Variants in MVP observed in about 807,000 individuals in gnomAD.
MVP encodes lung resistance-related protein.
A neutral mutation model predicts 83.5 loss-of-function variants in MVP; 62 were observed. The ratio of observed to expected loss-of-function variants is 0.74; its 90% CI spans 0.61 to 0.92. MVP has a LOEUF of 0.92. Among genes scored for constraint, MVP ranks in the 40% least tolerant of loss-of-function variants. The pLI is 0.00. For synonymous variants in MVP, 505 were observed against 504.1 expected (o/e 1.00, Z -0.02); for missense variants, 1,000 against 1,203.4 (o/e 0.83, Z 2.50).
At position 29,836,880 on chromosome 16, in the gene MVP, C is replaced by G. The variant is rs1375785546; in HGVS notation, c.831C>G (p.Gly277=). The G allele has an allele frequency of 6.2e-6, 10 of 1,614,028 alleles. No individual in the cohort carries two copies. Among genetic ancestry groups the G allele is most frequent in the Non-Finnish European group, 8.5e-6 (10 of 1,179,994 alleles). ...GGGTTGTGCCCATCACCACCCTGGGCCCCCACAACTACTGCGTGATTCTCG... is the reference window on the plus strand; with the variant it reads ...GGGTTGTGCCCATCACCACCCTGGGGCCCCACAACTACTGCGTGATTCTCG... ...VLGVVPITTL[G]PHNYCVILDP... Residue 277 remains glycine (G), a synonymous_variant, in exon 7 of 15, where the codon GGC becomes GGG. Transcript: ENST00000357402.
Position 29,844,413 on chromosome 16 carries a change from A to C in MVP, c.1635-80A>C, listed in dbSNP as rs2067563251. 3 of 1,495,948 alleles carry C rather than the reference A, an allele frequency of 2.0e-6. No homozygotes were observed. The South Asian group carries it at 4.3e-5, about 21-fold the overall frequency. The allele number at this position is 1,495,948 out of a possible 1,614,324, so 92.7% of individuals were successfully genotyped here. On this transcript the variant is annotated intron_variant, in intron 10 of 14. Coordinates refer to ENST00000357402, the MANE Select transcript of MVP (RefSeq NM_005115.5). ...CAGGAGTTCAAGACCAGCCTGGGCAACATGGCAAGACCTTGTCTCTTCTAA... is the reference window on the plus strand; with the variant it reads ...CAGGAGTTCAAGACCAGCCTGGGCACCATGGCAAGACCTTGTCTCTTCTAA...
chr16:29,837,454 A>G (rs978245929), intron 7 of MVP, among the ~76,000 whole-genome samples: 1 of 152,206 alleles, frequency 6.6e-6, no homozygotes, highest in Non-Finnish European at 1.5e-5. Context: ...TAAAAATACA[A>G]TATAAAAGCT....
rs1236486641 is a variant in MVP at position 29,830,953 on chromosome 16, G to A, written c.201G>A (p.Arg67=). ...HYCTVANPVS[R]DAQGLVLFDV... is the part of the protein sequence containing the mutation. ...GCACAGTGGCCAACCCTGTGTCTCG[G>A]GATGCCCAGGGCTTGGTGCTGTTTG... Residue 67 remains arginine (R), a synonymous_variant, in exon 3 of 15, where the codon CGG becomes CGA. Transcript: ENST00000357402. The A allele has an allele frequency of 1.9e-6, 3 of 1,613,904 alleles. No homozygotes were observed. In the East Asian group the frequency reaches 6.7e-5, roughly 36 times the overall value.
At chr16:29,825,717 G>T (rs2067400371) in intron 1 of MVP, among the ~76,000 whole-genome samples, 1 of 152,236 alleles carries the variant, frequency 6.6e-6, no homozygotes, top group African/African-American at 2.4e-5. Flanking sequence ...CAGACCCCCT[G>T]ACTGGGCCCA....
Position 29,840,207 on chromosome 16 carries a change from A to C in MVP, c.939A>C (p.Gly313=). 1 of 1,612,366 alleles carries C rather than the reference A, an allele frequency of 6.2e-7. No individual in the cohort carries two copies. The highest frequency in any genetic ancestry group is 8.5e-7 in the Non-Finnish European group (1 of 1,178,802). ...AGAAGTCTTTTTTCCTCCAGCCAGGAGAGCAGCTGGAACAAGGCATCCAGG... is the reference window on the plus strand; with the variant it reads ...AGAAGTCTTTTTTCCTCCAGCCAGGCGAGCAGCTGGAACAAGGCATCCAGG... ...KGEKSFFLQP[G]EQLEQGIQDV... is the part of the protein sequence containing the mutation. Residue 313 remains glycine (G), a synonymous_variant, in exon 8 of 15, where the codon GGA becomes GGC. Coordinates refer to ENST00000357402, the MANE Select transcript of MVP (RefSeq NM_005115.5).
chr16:29,832,318 G>A (rs62056373), intron 3 of MVP, among the ~76,000 whole-genome samples: 2 of 98,466 alleles, frequency 2.0e-5, no homozygotes, highest in South Asian at 6.5e-4. Context: ...TTTTTTTTGA[G>A]ATGGAGTCTC....
chr16:29,839,868 C>G (rs962967932), intron 7 of MVP, among the ~76,000 whole-genome samples: 2 of 149,892 alleles, frequency 1.3e-5, no homozygotes, highest in African/African-American at 2.5e-5. Flanking sequence ...TACACCATCT[C>G]TAGAAAACAA....
At chr16:29,836,267 C>CAAA (rs989574046) in intron 6 of MVP, among the ~76,000 whole-genome samples, 4 of 55,096 alleles carry the variant, frequency 7.3e-5, no homozygotes, top group East Asian at 5.7e-4. Flanking sequence ...AACCCTGTCT[C>CAAA]AAAAAAAAAA....
chr16:29,826,181 C>CA (rs1242408004), intron 1 of MVP: 1 of 152,258 alleles, frequency 6.6e-6, no homozygotes, highest in Non-Finnish European at 1.5e-5. Context: ...CCTCTGCAGT[C>CA]AAACAGTGCA....
chr16:29,825,711 C>T (rs894961785), intron 1 of MVP, among the ~76,000 whole-genome samples: 33 of 152,214 alleles, frequency 2.2e-4, no homozygotes, highest in Admixed American at 8.5e-4. Flanking sequence ...GGCATTCAGA[C>T]CCCCTGACTG....
Position 29,836,728 on chromosome 16 carries a change from C to G in MVP, c.679C>G (p.Leu227Val), listed in dbSNP as rs1567391942. The change falls in exon 7 of 15, where the codon CTG becomes GTG. Residue 227 changes from leucine (L) to valine (V), a missense_variant. Leu to Val is a conservative substitution (Grantham distance 32). Coordinates refer to ENST00000357402, the MANE Select transcript of MVP (RefSeq NM_005115.5). ...CCAACATGTTGCTCTGCAGACAGCC[C>G]TGCACCTCCGGGCTCGGCGGAACTT... ...DAVILTEKTA[L>V]HLRARRNFRD... The G allele has an allele frequency of 1.3e-6, 2 of 1,585,942 alleles. No individual in the cohort carries two copies. Among genetic ancestry groups the G allele is most frequent in the South Asian group, 1.1e-5 (1 of 87,094 alleles).
rs1464448741 is a variant in MVP at position 29,844,665 on chromosome 16, G to C, written c.1807G>C (p.Val603Leu). ...CTCAGCCCGCATCATTCGCACTGCT[G>C]TCTTTGGCTTTGAGACCTCGGAAGC... ...KNSARIIRTAVFGFETSEAKG... is the reference protein window; with the variant it reads ...KNSARIIRTALFGFETSEAKG... Residue 603 changes from valine to leucine, a missense_variant, in exon 11 of 15, where the codon GTC (valine) becomes CTC (leucine). Physicochemically the swap from Val to Leu is conservative, Grantham distance 32 (BLOSUM62 1). Coordinates refer to ENST00000357402, the MANE Select transcript of MVP (RefSeq NM_005115.5). 1 of 1,614,190 alleles carries C rather than the reference G, an allele frequency of 6.2e-7. No homozygotes were observed. The highest frequency in any genetic ancestry group is 8.5e-7 in the Non-Finnish European group (1 of 1,180,004).
At chr16:29,845,334 C>G (rs1367960412) in intron 11 of MVP, among the ~76,000 whole-genome samples, 3 of 152,080 alleles carry the variant, frequency 2.0e-5, no homozygotes, top group African/African-American at 7.2e-5. Flanking sequence ...CTTCCATGCT[C>G]CTCGTCCCTG....
chr16:29,841,218 C>T lies in MVP; in HGVS notation c.1192-378C>T, dbSNP rs181923462. On this transcript the variant is annotated intron_variant, in intron 8 of 14. Coordinates refer to ENST00000357402, the MANE Select transcript of MVP (RefSeq NM_005115.5). This position sits in a 1 kb window ranked among gnomAD's most constrained non-coding sequence, Gnocchi z 4.7. ...TCCGAGGGAGCATCCGTGTACACAG[C>T]CTACTTCACCATCCCCGAGGTGCCC... Among the ~76,000 whole-genome samples the T allele has an allele frequency of 1.3e-5, 2 of 152,258 alleles. No individual in the cohort carries two copies. The highest frequency in any genetic ancestry group is 2.9e-5 in the Non-Finnish European group (2 of 68,008).
intron 10 of MVP, among the ~76,000 whole-genome samples, chr16:29,843,346 C>T (rs1045609295): frequency 1.5e-4 from 22 of 150,436 alleles, no homozygotes. Flanking sequence ...AATTTATAAA[C>T]TAGCTGGGCA....
intron 10 of MVP, 116 bp from the exon 11 acceptor site, chr16:29,844,377 T>A: frequency 1.5e-6 from 2 of 1,334,656 alleles, no homozygotes; most frequent in South Asian, 1.8e-5. Flanking sequence ...GGTTGGGGGG[T>A]TGCCTGAGCC....
At chr16:29,823,716 G>A (rs945072750) in intron 1 of MVP, among the ~76,000 whole-genome samples, 3 of 151,938 alleles carry the variant, frequency 2.0e-5, no homozygotes, top group African/African-American at 2.4e-5. Context: ...TTAGCTAGGC[G>A]TGGTGGTGGG....
rs199575713 is a variant in MVP, at chr16:29,841,824, C to T, written c.1420C>T (p.Arg474Ter). The change falls in exon 9 of 15, where the codon CGA (arginine) becomes TGA (stop). Residue 474 changes from arginine to a stop codon, truncating the protein, a stop_gained. Coordinates refer to ENST00000357402, the MANE Select transcript of MVP (RefSeq NM_005115.5). LOFTEE classifies it high-confidence loss of function. This position sits in a 1 kb window ranked among gnomAD's most constrained non-coding sequence, Gnocchi z 4.7. ...HNAAVQVYDY[R>*]EKRARVVFGP... is the part of the protein sequence containing the mutation. ...CGCTGCGGTGCAGGTGTACGACTAC[C>T]GAGAGAAGCGAGCCCGGTGAGTGCT... 169 of 1,609,672 alleles carry T rather than the reference C, an allele frequency of 1.0e-4. 1 individual carries two copies. Among genetic ancestry groups the T allele is most frequent in the South Asian group, 1.1e-4 (10 of 91,068 alleles).
chr16:29,833,833 A>G lies in MVP; in HGVS notation c.422A>G (p.Asp141Gly). The G allele has an allele frequency of 6.2e-7, 1 of 1,614,000 alleles. No homozygotes were observed. Among genetic ancestry groups the G allele is most frequent in the Non-Finnish European group, 8.5e-7 (1 of 1,179,974 alleles). ...DKDGDKVVAG[D>G]EWLFEGPGTY... is the part of the protein sequence containing the mutation. ...GATGGAGACAAGGTGGTGGCAGGAG[A>G]TGAGTGGCTTTTCGAGGGACCTGGT... Residue 141 changes from aspartate to glycine, a missense_variant, in exon 4 of 15, where the codon GAT (aspartate) becomes GGT (glycine). Transcript: ENST00000357402.
Sources: gnomAD v4.1 joint callset for allele counts (sites outside exome capture counted in the v4.1 genomes callset) on GRCh38, gnomAD v4.1.1 for gene constraint, Gnocchi (gnomAD v3.1) non-coding constraint, MANE v1.5 for transcripts, NCBI Gene and HGNC (gene_info 2026-07-23, HGNC 2026-07-21) for gene names.